MYOM2: variants seen among roughly 807,000 people sequenced by gnomAD.
MYOM2 encodes myomesin 2, also known as myomesin-2.
Under a neutral mutation model 187.6 loss-of-function variants are expected in MYOM2, and 254 were observed. The observed-to-expected ratio is 1.35, with a 90% CI of 1.22 to 1.50. The LOEUF (loss-of-function observed/expected upper bound fraction) is 1.50, where lower values mean the gene tolerates loss of function less well. MYOM2 is among the 40% of genes most tolerant of loss of function. The pLI is 0.00. For missense variants in MYOM2, 2,796 were observed against 1,924.0 expected (o/e 1.45, Z -8.48); for synonymous variants, 981 against 753.8 (o/e 1.30, Z -4.94).
At chr8:2,049,649 C>A (rs1818420172) in intron 1 of MYOM2, among the ~76,000 whole-genome samples, 1 of 152,186 alleles carries the variant, frequency 6.6e-6, no homozygotes. Context: ...AGATCCTCGT[C>A]ATTTAAACAG....
chr8:2,050,336 T>G (rs1427920760), intron 1 of MYOM2, among the ~76,000 whole-genome samples: 1 of 152,210 alleles, frequency 6.6e-6, no homozygotes, highest in Non-Finnish European at 1.5e-5. Flanking sequence ...CAGGACACCT[T>G]CTACCTGCCC....
chr8:2,139,726 C>G (rs1022437868), intron 32 of MYOM2, among the ~76,000 whole-genome samples: 1 of 152,164 alleles, frequency 6.6e-6, no homozygotes, highest in African/African-American at 2.4e-5. Flanking sequence ...GTCCTGTTTT[C>G]ATGCACCTGT....
chr8:2,070,365 C>T (rs1819172246), intron 8 of MYOM2, among the ~76,000 whole-genome samples: 1 of 152,200 alleles, frequency 6.6e-6, no homozygotes, highest in African/African-American at 2.4e-5. Flanking sequence ...CAGCTGCTGG[C>T]CGCTGTGGGC....
At chr8:2,100,131 T>TCCTG (rs1796650557) in intron 19 of MYOM2, among the ~76,000 whole-genome samples, 3 of 91,122 alleles carry the variant, frequency 3.3e-5, no homozygotes, top group African/African-American at 1.4e-4. Flanking sequence ...CTTCCTTCTT[T>TCCTG]CCTTCCTTCC....
At chr8:2,121,644 G>A (rs915585094) in intron 28 of MYOM2, among the ~76,000 whole-genome samples, 3 of 152,020 alleles carry the variant, frequency 2.0e-5, no homozygotes, top group Admixed American at 6.6e-5. Flanking sequence ...AATTATTAAC[G>A]TGAAAAAATA....
At position 2,067,694 on chromosome 8, in the gene MYOM2, A is replaced by G. The variant is rs143511499; in HGVS notation, c.654-1584A>G. On this transcript the variant is annotated intron_variant, in intron 6 of 36. Transcript: ENST00000262113. ...TACCATGGATATGGGGAAGCAGAAGACCCACCCCCACAGGTACTTGGGTTT... is the reference window on the plus strand; with the variant it reads ...TACCATGGATATGGGGAAGCAGAAGGCCCACCCCCACAGGTACTTGGGTTT... Among the ~76,000 whole-genome samples, 541 of 152,084 alleles carry G rather than the reference A, an allele frequency of 3.6e-3. 2 individuals are homozygous for G. The highest frequency in any genetic ancestry group is 0.012 in the African/African-American group (509 of 41,482).
intron 35 of MYOM2, 76 bp from the exon 36 acceptor site, chr8:2,143,325 C>G: frequency 1.9e-6 from 3 of 1,548,384 alleles, no homozygotes; most frequent in East Asian, 4.5e-5. Context: ...TTGGTACCCA[C>G]TGCTGCTTAC....
At chr8:2,129,735 A>G (rs992122448) in intron 32 of MYOM2, among the ~76,000 whole-genome samples, 6 of 152,150 alleles carry the variant, frequency 3.9e-5, no homozygotes, top group African/African-American at 1.4e-4. Context: ...GATCACTGAG[A>G]AAACTACCAG....
chr8:2,136,231 C>T (rs1346689856), intron 32 of MYOM2, among the ~76,000 whole-genome samples: 1 of 152,238 alleles, frequency 6.6e-6, no homozygotes, highest in African/African-American at 2.4e-5. Context: ...TACCTTTGTG[C>T]AGCTGCAGCC....
chr8:2,079,361 T>C (rs1819543064), intron 12 of MYOM2, among the ~76,000 whole-genome samples, 199 bp from the exon 13 acceptor site: 2 of 151,952 alleles, frequency 1.3e-5, no homozygotes, highest in African/African-American at 4.8e-5. Context: ...ACGCACATGG[T>C]CCTTTGCATC....
intron 32 of MYOM2, among the ~76,000 whole-genome samples, chr8:2,139,919 C>A (rs1798216540): frequency 6.6e-6 from 1 of 152,156 alleles, no homozygotes. Flanking sequence ...TAGCATAATA[C>A]ACATAATGTA....
chr8:2,123,159 G>GC, intron 28 of MYOM2, 93 bp from the exon 29 acceptor site: 1 of 790,704 alleles, frequency 1.3e-6, no homozygotes, highest in Non-Finnish European at 2.0e-6. Flanking sequence ...GTTTTTTGAG[G>GC]GGGGGGCTCT....
intron 1 of MYOM2, among the ~76,000 whole-genome samples, chr8:2,049,135 G>T (rs1818402485): frequency 6.6e-6 from 1 of 152,172 alleles, no homozygotes; most frequent in Non-Finnish European, 1.5e-5. Flanking sequence ...TTATATCCCT[G>T]GAGTAGAATG....
At chr8:2,135,604 G>T (rs1050964248) in intron 32 of MYOM2, among the ~76,000 whole-genome samples, 7 of 152,026 alleles carry the variant, frequency 4.6e-5, no homozygotes, top group African/African-American at 1.7e-4. Context: ...GCAGAAACGT[G>T]TGCTTTCTTC....
Position 2,046,198 on chromosome 8 carries a change from G to A in MYOM2, c.-13+1030G>A, listed in dbSNP as rs189496460. Among the ~76,000 whole-genome samples the A allele has an allele frequency of 1.5e-3, 236 of 152,350 alleles. 2 individuals carry two copies. The highest frequency in any genetic ancestry group is 5.6e-3 in the African/African-American group (233 of 41,586). On this transcript the variant is annotated intron_variant, in intron 1 of 36. Transcript: ENST00000262113. ...TTTCCTTCATTAAGTGGAAGTCAAT[G>A]TTTTGTACTTCAAACATTTTTGCAA...
intron 3 of MYOM2, among the ~76,000 whole-genome samples, chr8:2,054,577 A>G (rs1445252788): frequency 6.6e-6 from 1 of 152,176 alleles, no homozygotes; most frequent in Non-Finnish European, 1.5e-5. Context: ...GGAATTCCAG[A>G]CCAATTAGTT....
At chr8:2,071,791 T>C (rs113493608) in intron 8 of MYOM2, among the ~76,000 whole-genome samples, 4,306 of 152,300 alleles carry the variant, frequency 0.028, 227 homozygotes, top group African/African-American at 0.099. Context: ...TCAGCAGGCA[T>C]GGCTTCTGGT....
chr8:2,075,404 CTGAGGCTTTT>C (rs540858991), intron 10 of MYOM2, among the ~76,000 whole-genome samples: 62 of 152,298 alleles, frequency 4.1e-4, no homozygotes, highest in Admixed American at 7.8e-4. Flanking sequence ...TCATCGCTTT[CTGAGGCTTTT>C]GAATGTGAGA....
At chr8:2,070,701 T>C (rs894778855) in intron 8 of MYOM2, among the ~76,000 whole-genome samples, 1 of 152,252 alleles carries the variant, frequency 6.6e-6, no homozygotes, top group African/African-American at 2.4e-5. Context: ...AGAATGCTCA[T>C]GTGTTCACCA....
Sources: allele counts gnomAD v4.1 joint callset (sites outside exome capture counted in the v4.1 genomes callset), GRCh38; gene constraint gnomAD v4.1.1; transcripts MANE v1.5; gene names NCBI Gene and HGNC (gene_info 2026-07-23, HGNC 2026-07-21).